LRRTM4: variants seen among roughly 807,000 people sequenced by gnomAD.
LRRTM4 encodes the protein leucine-rich repeat transmembrane neuronal protein 4.
Under a neutral mutation model 47.6 loss-of-function variants are expected in LRRTM4, and 25 were observed. The ratio of observed to expected loss-of-function variants is 0.53; its 90% confidence interval spans 0.38 to 0.73. The LOEUF is 0.73. LRRTM4 is among the 30% of genes least tolerant of loss of function. The pLI is 0.00. For missense variants in LRRTM4, 638 were observed against 713.4 expected (o/e 0.89, Z 1.20); for synonymous variants, 311 against 269.5 (o/e 1.15, Z -1.51).
chr2:77,300,385 C>A (rs74500467), intron 3 of LRRTM4, among the ~76,000 whole-genome samples: 4 of 151,968 alleles, frequency 2.6e-5, no homozygotes, highest in African/African-American at 9.7e-5. Flanking sequence ...AAGAAGAGGA[C>A]AAAATAACTA....
At chr2:76,947,601 AAAATG>A (rs1165931288) in intron 3 of LRRTM4, among the ~76,000 whole-genome samples, 6 of 151,904 alleles carry the variant, frequency 3.9e-5, no homozygotes, top group African/African-American at 1.4e-4. Flanking sequence ...TAAAATAAAA[AAAATG>A]AAACTTGTTA....
chr2:76,855,173 C>G (rs189811677), intron 3 of LRRTM4, among the ~76,000 whole-genome samples: 229 of 152,122 alleles, frequency 1.5e-3, no homozygotes, highest in Non-Finnish European at 1.9e-3. Context: ...TCAGGAGCAA[C>G]GTTAGCAAGA....
intron 3 of LRRTM4, among the ~76,000 whole-genome samples, chr2:77,000,586 G>A (rs1453109272): frequency 2.0e-5 from 3 of 152,182 alleles, no homozygotes; most frequent in African/African-American, 4.8e-5. Context: ...AGAAGAGGAT[G>A]CCCTAAGTAA....
intron 3 of LRRTM4, among the ~76,000 whole-genome samples, chr2:77,027,387 C>T (rs1392705557): frequency 6.6e-6 from 1 of 152,112 alleles, no homozygotes; most frequent in East Asian, 1.9e-4. Flanking sequence ...TGAATAGTCA[C>T]AGCATGCCAA....
At chr2:77,221,348 C>T (rs1307603861) in intron 3 of LRRTM4, among the ~76,000 whole-genome samples, 4 of 152,300 alleles carry the variant, frequency 2.6e-5, no homozygotes, top group African/African-American at 9.6e-5. Context: ...CAAATTCACA[C>T]ATAACAATAC....
intron 3 of LRRTM4, among the ~76,000 whole-genome samples, chr2:77,231,426 G>C (rs558171719): frequency 7.6e-4 from 115 of 152,102 alleles, no homozygotes; most frequent in African/African-American, 2.7e-3. Flanking sequence ...ACTATATCTG[G>C]CTAAATCTAG....
At chr2:77,269,364 T>A (rs1676132280) in intron 3 of LRRTM4, among the ~76,000 whole-genome samples, 1 of 152,124 alleles carries the variant, frequency 6.6e-6, no homozygotes, top group African/African-American at 2.4e-5. Flanking sequence ...ATAAAAAATG[T>A]TGAATAAATA....
chr2:76,811,119 C>T (rs1670719227), intron 3 of LRRTM4, among the ~76,000 whole-genome samples: 1 of 152,262 alleles, frequency 6.6e-6, no homozygotes, highest in South Asian at 2.1e-4. Context: ...CTCCTCCTTA[C>T]CTTTTACCAG....
intron 3 of LRRTM4, among the ~76,000 whole-genome samples, chr2:76,810,533 T>C (rs970006798): frequency 6.6e-6 from 1 of 152,170 alleles, no homozygotes; most frequent in East Asian, 1.9e-4. Context: ...AGATCATTTA[T>C]GTAAACAGCC....
At chr2:76,921,254 A>C (rs1190314883) in intron 3 of LRRTM4, among the ~76,000 whole-genome samples, 2 of 151,982 alleles carry the variant, frequency 1.3e-5, no homozygotes, top group Non-Finnish European at 2.9e-5. Flanking sequence ...AATGTTGCTC[A>C]TTTTGGATTT....
chr2:76,839,143 A>G (rs1671602038), intron 3 of LRRTM4, among the ~76,000 whole-genome samples: 1 of 152,136 alleles, frequency 6.6e-6, no homozygotes, highest in Non-Finnish European at 1.5e-5. Context: ...AAACTGTTAA[A>G]AAGAGACAAA....
At chr2:76,786,311 A>C (rs969669497) in intron 3 of LRRTM4, among the ~76,000 whole-genome samples, 36 of 152,150 alleles carry the variant, frequency 2.4e-4, no homozygotes, top group Non-Finnish European at 4.4e-5. Context: ...TTGGTTAAGA[A>C]TATTTATAAC....
intron 3 of LRRTM4, among the ~76,000 whole-genome samples, chr2:77,312,166 T>C (rs1442285721): frequency 1.3e-5 from 2 of 152,312 alleles, no homozygotes; most frequent in East Asian, 1.9e-4. Flanking sequence ...GTCATTAATA[T>C]CAATTTTTCT....
rs142359635 is a variant in LRRTM4 at position 77,492,900 on chromosome 2, A to G, written c.1551+25418T>C. The stretch of plus-strand genomic sequence containing the variant: ...CCAAATCTCATGTTACTAACACTTT[A>G]TCCACTGGTCAACCTAGGAAAATCT... On this transcript the variant is annotated intron_variant, in intron 3 of 3. Transcript: ENST00000409884. 4.3e-3 allele frequency among the ~76,000 whole-genome samples: 654 copies of G among 152,280 alleles called. 7 individuals are homozygous for G. Among genetic ancestry groups the G allele is most frequent in the South Asian group, 0.01 (49 of 4,828 alleles).
chr2:77,338,372 G>A (rs553442947), intron 3 of LRRTM4, among the ~76,000 whole-genome samples: 4 of 151,894 alleles, frequency 2.6e-5, no homozygotes, highest in South Asian at 4.1e-4. Context: ...GAATCTATAA[G>A]AAACTTAGAC....
At chr2:77,248,396 A>G (rs1012506845) in intron 3 of LRRTM4, among the ~76,000 whole-genome samples, 2 of 152,156 alleles carry the variant, frequency 1.3e-5, no homozygotes, top group Non-Finnish European at 2.9e-5. Flanking sequence ...AAAATCAAAC[A>G]AGAACTAAAT....
At chr2:76,974,177 T>TATATACATAC (rs1558771498) in intron 3 of LRRTM4, among the ~76,000 whole-genome samples, 1 of 137,582 alleles carries the variant, frequency 7.3e-6, no homozygotes, top group Non-Finnish European at 1.5e-5. Context: ...TACATACATA[T>TATATACATAC]ATATACATAC....
chr2:77,296,557 T>A (rs1012272919), intron 3 of LRRTM4, among the ~76,000 whole-genome samples: 3 of 152,236 alleles, frequency 2.0e-5, no homozygotes, highest in African/African-American at 7.2e-5. Context: ...TTTTTCCTTA[T>A]AACTTCTACT....
At chr2:76,912,205 C>T (rs906556691) in intron 3 of LRRTM4, among the ~76,000 whole-genome samples, 2 of 152,106 alleles carry the variant, frequency 1.3e-5, no homozygotes, top group African/African-American at 4.8e-5. Flanking sequence ...AGGCGTGAGC[C>T]ACCGCCCCTG....
Sources: gnomAD v4.1 joint callset for allele counts (sites outside exome capture counted in the v4.1 genomes callset) on GRCh38, gnomAD v4.1.1 for gene constraint, MANE v1.5 for transcripts, NCBI Gene and HGNC (gene_info 2026-07-23, HGNC 2026-07-21) for gene names.